Variants in TRMT44 observed in about 807,000 individuals in gnomAD.
TRMT44 encodes the protein probable tRNA (uracil-O(2)-)-methyltransferase.
TRMT44 carries 78 observed loss-of-function variants against 77.3 expected under a neutral mutation model. The observed-to-expected ratio is 1.01, with a 90% CI of 0.84 to 1.22. The LOEUF (loss-of-function observed/expected upper bound fraction) is 1.22, where lower values mean the gene tolerates loss of function less well. Among genes scored for constraint, TRMT44 ranks in the 50% most tolerant of loss-of-function variants. TRMT44 has a pLI of 0.00. For missense variants in TRMT44, 1,090 were observed against 964.4 expected (o/e 1.13, Z -1.73); for synonymous variants, 391 against 383.3 (o/e 1.02, Z -0.23).
chr4:8,441,306 G>A lies in TRMT44; in HGVS notation c.484G>A (p.Ala162Thr), dbSNP rs1384177456. 6.5e-7 allele frequency: 1 copy of A among 1,535,444 alleles called. No individual in the cohort carries two copies. The highest frequency in any genetic ancestry group is 1.4e-5 in the African/African-American group (1 of 73,044). ...CGCCCGTGGCAATTCGGAGTTGCTG[G>A]CCTTCCTCACCAGCTCCGGGGCGGG... Reference protein sequence around the residue: ...SLARGNSELLAFLTSSGAGSQ... With the variant: ...SLARGNSELLTFLTSSGAGSQ... The change falls in exon 1 of 11, where the codon GCC becomes ACC. Residue 162 changes from alanine (A) to threonine (T), a missense_variant. Transcript: ENST00000389737.
At chr4:8,483,609 G>A (rs1336027451) in intron 2 of TRMT44, among the ~76,000 whole-genome samples, 2 of 152,166 alleles carry the variant, frequency 1.3e-5, no homozygotes, top group Non-Finnish European at 2.9e-5. Context: ...TTGGTGAGGT[G>A]TGTTTTTAAA....
chr4:8,454,603 A>G, intron 5 of TRMT44, 139 bp from the exon 6 acceptor site: 1 of 723,734 alleles, frequency 1.4e-6, no homozygotes. Context: ...ACACATCAGG[A>G]TGGGTATGAG....
rs115368810 is a variant in TRMT44, at chr4:8,445,050, A to C, written c.620-1426A>C. ...TACAGTGCACGGGACAACTCCCAAC[A>C]ATAAGGAGTTATCCAGCCACACATG... On this transcript the variant is annotated intron_variant, in intron 1 of 10. Coordinates refer to ENST00000389737, the MANE Select transcript of TRMT44 (RefSeq NM_152544.3). 9.2e-3 allele frequency among the ~76,000 whole-genome samples: 1,408 copies of C among 152,324 alleles called. 19 individuals are homozygous for C. Among genetic ancestry groups the C allele is most frequent in the African/African-American group, 0.032 (1,336 of 41,576 alleles).
downstream of TRMT44, chr4:8,477,567 C>T (rs990475769): frequency 6.6e-6 from 1 of 152,544 alleles, no homozygotes; most frequent in African/African-American, 2.4e-5. Flanking sequence ...AGGGAGCAGC[C>T]AGGAGCCCAG....
At chr4:8,505,563 A>C in the TRMT44 span, among the ~76,000 whole-genome samples, 1 of 152,140 alleles carries the variant, frequency 6.6e-6, no homozygotes, top group Non-Finnish European at 1.5e-5. Context: ...GGGAGCAGCA[A>C]ATGTGCCTGC....
intron 6 of TRMT44, among the ~76,000 whole-genome samples, chr4:8,459,464 G>A (rs1303621920): frequency 6.6e-6 from 1 of 152,198 alleles, no homozygotes; most frequent in African/African-American, 2.4e-5. Context: ...GGTCAGCCAT[G>A]TGTACGGCAA....
intron 7 of TRMT44, among the ~76,000 whole-genome samples, 177 bp from the exon 8 acceptor site, chr4:8,465,201 C>CGTG (rs1416178289): frequency 6.6e-6 from 1 of 152,176 alleles, no homozygotes; most frequent in Non-Finnish European, 1.5e-5. Context: ...TGCACACATA[C>CGTG]CCCCTGAAGC....
the TRMT44 span, among the ~76,000 whole-genome samples, chr4:8,504,347 A>G: frequency 2.6e-4 from 40 of 151,978 alleles, no homozygotes; most frequent in Non-Finnish European, 4.9e-4. The surrounding 1 kb of genome is among the most constrained non-coding windows in gnomAD (Gnocchi z 5.3). Flanking sequence ...CTTCCCCGCC[A>G]GGTACCCGCG....
rs530616222 is a variant in TRMT44, at chr4:8,442,784, A to G, written c.619+1343A>G. On this transcript the variant is annotated intron_variant, in intron 1 of 10. Transcript: ENST00000389737. ...AGCTTCCTACATCTCAGAGCCAGCA[A>G]TGGGGTTGAATTCTTCTCATACTTG... Among the ~76,000 whole-genome samples the G allele has an allele frequency of 6.4e-4, 98 of 152,256 alleles. 1 individual carries two copies. The highest frequency in any genetic ancestry group is 1.3e-3 in the Non-Finnish European group (86 of 68,018).
chr4:8,467,873 C>T (rs757124047), intron 8 of TRMT44, 41 bp from the exon 9 acceptor site: 1 of 1,542,110 alleles, frequency 6.5e-7, no homozygotes, highest in Non-Finnish European at 8.8e-7. Context: ...TTGAAATAGA[C>T]TAGCCAGCTA....
intron 2 of TRMT44, among the ~76,000 whole-genome samples, chr4:8,487,295 G>A (rs760990852): frequency 6.6e-6 from 1 of 152,104 alleles, no homozygotes; most frequent in Non-Finnish European, 1.5e-5. Flanking sequence ...TAAGGGAGAT[G>A]GAGGAATGGA....
chr4:8,450,796 T>TG (rs900009481), intron 3 of TRMT44, among the ~76,000 whole-genome samples: 6 of 143,922 alleles, frequency 4.2e-5, no homozygotes, highest in African/African-American at 1.3e-4. Flanking sequence ...TTCCATGTTT[T>TG]TTTTTTTTTT....
At chr4:8,463,845 C>G (rs1409318864) in intron 6 of TRMT44, 140 bp from the exon 7 acceptor site, 2 of 679,656 alleles carry the variant, frequency 2.9e-6, no homozygotes, top group Non-Finnish European at 5.0e-6. Flanking sequence ...CCGCTCTTCC[C>G]CGCTCTTGGT....
In TRMT44 at chr4:8,446,792, C is replaced by G. The variant is rs1725088597; in HGVS notation, c.734+202C>G. On this transcript the variant is annotated intron_variant, in intron 2 of 10. Coordinates refer to ENST00000389737, the MANE Select transcript of TRMT44 (RefSeq NM_152544.3). The surrounding 1 kb of genome is among the most constrained non-coding windows in gnomAD (Gnocchi z 4.3). ...GGCCTCGAGTCTGGGTGGTCACAGC[C>G]TGGCTGGGGTTTCTGATCTCTACCT... Among the ~76,000 whole-genome samples, 1 of 152,156 alleles carries G rather than the reference C, an allele frequency of 6.6e-6. No homozygotes were observed.
At chr4:8,487,490 G>C (rs1727847630) in intron 2 of TRMT44, among the ~76,000 whole-genome samples, 1 of 151,790 alleles carries the variant, frequency 6.6e-6, no homozygotes, top group African/African-American at 2.4e-5. Flanking sequence ...GGGGCGCAGA[G>C]ATAAGAGGTC....
At chr4:8,459,122 A>C (rs1725993200) in intron 6 of TRMT44, among the ~76,000 whole-genome samples, 1 of 151,928 alleles carries the variant, frequency 6.6e-6, no homozygotes, top group Non-Finnish European at 1.5e-5. Flanking sequence ...GGATCACCTG[A>C]GTTTGGGAGG....
At chr4:8,496,061 C>T (rs1017367518), downstream of TRMT44, among the ~76,000 whole-genome samples, 4 of 152,144 alleles carry the variant, frequency 2.6e-5, no homozygotes, top group Admixed American at 6.5e-5. Flanking sequence ...AGTGGGAAAC[C>T]TTCATTTGCA....
chr4:8,501,079 C>T, the TRMT44 span, among the ~76,000 whole-genome samples: 1 of 152,226 alleles, frequency 6.6e-6, no homozygotes, highest in Non-Finnish European at 1.5e-5. This position sits in a 1 kb window ranked among gnomAD's most constrained non-coding sequence, Gnocchi z 4.4. Context: ...CCGGATGCAG[C>T]CCTGCCAGGC....
chr4:8,483,852 C>G (rs958823249), intron 2 of TRMT44, among the ~76,000 whole-genome samples: 12 of 152,182 alleles, frequency 7.9e-5, no homozygotes, highest in Non-Finnish European at 1.6e-4. Context: ...TTTACTTATT[C>G]AGTGAAAGTG....
Sources: gnomAD v4.1 joint callset for allele counts (sites outside exome capture counted in the v4.1 genomes callset) on GRCh38, gnomAD v4.1.1 for gene constraint, Gnocchi (gnomAD v3.1) non-coding constraint, MANE v1.5 for transcripts, NCBI Gene and HGNC (gene_info 2026-07-23, HGNC 2026-07-21) for gene names.